Variants in MAX observed in about 807,000 individuals in gnomAD.
MAX encodes the protein protein max.
MAX carries 3 observed loss-of-function variants against 22.3 expected under a neutral mutation model. That is an observed-to-expected ratio of 0.13 (90% CI 0.06 to 0.35). MAX has a LOEUF of 0.35. Ranked by LOEUF, MAX falls within the 10% of genes least tolerant of loss-of-function variation. The pLI is 1.00. For missense variants in MAX, 119 were observed against 209.4 expected (o/e 0.57, Z 2.66); for synonymous variants, 72 against 77.7 (o/e 0.93, Z 0.39).
intron 3 of MAX, among the ~76,000 whole-genome samples, chr14:65,052,971 T>C (rs563389184): frequency 5.4e-4 from 83 of 152,312 alleles, no homozygotes; most frequent in African/African-American, 1.7e-3. Flanking sequence ...AGAGATGTGG[T>C]TGAGGATCAC....
Position 65,031,827 on chromosome 14 carries a change from A to G in MAX, c.172-25543T>C, listed in dbSNP as rs1241977301. 6.6e-6 allele frequency among the ~76,000 whole-genome samples: 1 copy of G among 152,126 alleles called. No homozygotes were observed. Among genetic ancestry groups the G allele is most frequent in the African/African-American group, 2.4e-5 (1 of 41,458 alleles). ...TCCCAGCTACTTGGGAGGCTGATAC[A>G]GGAGAATTGCTTGAACCCAGGAGGC... is the stretch of plus-strand genomic sequence containing the variant. On this transcript the variant is annotated intron_variant, in intron 3 of 3. Coordinates refer to the MAX transcript ENST00000341653. This position sits in a 1 kb window ranked among gnomAD's most constrained non-coding sequence, Gnocchi z 4.6.
At chr14:65,008,771 C>T (rs950206676) in intron 3 of MAX, among the ~76,000 whole-genome samples, 7 of 152,180 alleles carry the variant, frequency 4.6e-5, no homozygotes, top group African/African-American at 1.7e-4. Flanking sequence ...TGGGTGGAGG[C>T]ACATTGTGAA....
chr14:65,070,913 C>T (rs2062981479), downstream of MAX, among the ~76,000 whole-genome samples: 1 of 152,218 alleles, frequency 6.6e-6, no homozygotes, highest in African/African-American at 2.4e-5. The surrounding 1 kb of genome is among the most constrained non-coding windows in gnomAD (Gnocchi z 4.4). Context: ...GCAAAGTCGC[C>T]AGTATGTTAA....
intron 3 of MAX, among the ~76,000 whole-genome samples, chr14:65,034,846 G>A (rs979490508): frequency 6.6e-6 from 1 of 152,184 alleles, no homozygotes; most frequent in Non-Finnish European, 1.5e-5. Context: ...GTTGTGTTGT[G>A]TCCTAGACAT....
chr14:65,026,632 G>A (rs1259654594), intron 3 of MAX, among the ~76,000 whole-genome samples: 1 of 152,138 alleles, frequency 6.6e-6, no homozygotes, highest in East Asian at 1.9e-4. Flanking sequence ...GGCTGCGGCG[G>A]GTGGATCACT....
chr14:65,029,403 G>A lies in MAX; in HGVS notation c.172-23119C>T, dbSNP rs1404031757. Reference sequence around the variant, plus strand: ...GAGTTTGACATCTGGAGACTAGCTCGCTGCCCTTCTGGGATAGACAGCAGT... The same window carrying A: ...GAGTTTGACATCTGGAGACTAGCTCACTGCCCTTCTGGGATAGACAGCAGT... On this transcript the variant is annotated intron_variant, in intron 3 of 3. Transcript: ENST00000341653. This position sits in a 1 kb window ranked among gnomAD's most constrained non-coding sequence, Gnocchi z 4.7. Among the ~76,000 whole-genome samples the A allele has an allele frequency of 6.6e-6, 1 of 152,174 alleles. No individual in the cohort carries two copies. Among genetic ancestry groups the A allele is most frequent in the Non-Finnish European group, 1.5e-5 (1 of 68,036 alleles).
chr14:65,041,603 C>T (rs144458488), intron 3 of MAX, among the ~76,000 whole-genome samples: 35 of 152,316 alleles, frequency 2.3e-4, no homozygotes, highest in African/African-American at 8.2e-4. Flanking sequence ...ACATGCACCT[C>T]CTCTCCCTGA....
chr14:65,020,489 G>C (rs1595036846), intron 3 of MAX, among the ~76,000 whole-genome samples: 1 of 152,054 alleles, frequency 6.6e-6, no homozygotes, highest in African/African-American at 2.4e-5. Context: ...GCAGTGGCAC[G>C]ATCTTGGCTC....
chr14:65,033,322 A>G (rs2062122348), intron 3 of MAX, among the ~76,000 whole-genome samples: 1 of 152,214 alleles, frequency 6.6e-6, no homozygotes, highest in African/African-American at 2.4e-5. Context: ...TCTGAGAAGA[A>G]TCATGTGGTA....
At chr14:65,083,913 A>G (rs753002544) in intron 3 of MAX, 21 of 1,286,334 alleles carry the variant, frequency 1.6e-5, no homozygotes, top group Middle Eastern at 3.0e-4. Flanking sequence ...AACCAAAACG[A>G]AAGAATATGC....
rs556788600 is a variant in MAX at position 65,069,311 on chromosome 14, G to C, written c.171+24397C>G. Among the ~76,000 whole-genome samples the C allele has an allele frequency of 2.0e-4, 30 of 152,292 alleles. No individual in the cohort carries two copies. The highest frequency in any genetic ancestry group is 1.7e-3 in the Admixed American group (26 of 15,298). Reference sequence around the variant, plus strand: ...CCCAAGGCTGGGCTCTTGTGGGCAGGACAGAAGGAGAGCCCATCAAGAGCT... The same window carrying C: ...CCCAAGGCTGGGCTCTTGTGGGCAGCACAGAAGGAGAGCCCATCAAGAGCT... On this transcript the variant is annotated intron_variant, in intron 3 of 3. Transcript: ENST00000341653. This position sits in a 1 kb window ranked among gnomAD's most constrained non-coding sequence, Gnocchi z 4.6.
At chr14:65,042,391 C>T (rs2062373158) in intron 3 of MAX, among the ~76,000 whole-genome samples, 1 of 152,180 alleles carries the variant, frequency 6.6e-6, no homozygotes, top group South Asian at 2.1e-4. Context: ...GACAGATCAT[C>T]AGGCATTAGA....
Position 65,084,223 on chromosome 14 carries a change from A to G in MAX, c.172-6187T>C. The G allele has an allele frequency of 6.2e-7, 1 of 1,614,216 alleles. No individual in the cohort carries two copies. Among genetic ancestry groups the G allele is most frequent in the Non-Finnish European group, 8.5e-7 (1 of 1,180,038 alleles). ...TTTCTTGTGCACTTGGTAGCTTGAA[A>G]TGAAGGTGTGGCATTTCTGCATCAA... is the stretch of plus-strand genomic sequence containing the variant. On this transcript the variant is annotated intron_variant, in intron 3 of 4. Transcript: ENST00000358664. This position sits in a 1 kb window ranked among gnomAD's most constrained non-coding sequence, Gnocchi z 4.3.
At position 65,076,192 on chromosome 14, in the gene MAX, C is replaced by T. The variant is rs1158871796; in HGVS notation, c.*284G>A. On this transcript the variant is annotated 3_prime_UTR_variant, in exon 5 of 5. Coordinates refer to ENST00000358664, the MANE Select transcript of MAX (RefSeq NM_002382.5). This position sits in a 1 kb window ranked among gnomAD's most constrained non-coding sequence, Gnocchi z 6.6. ...AGAGGTCCGGCCGGCCGTCTGTCCTCCACAGAAAAAGCTGCCAAGTTGGGG... is the reference window on the plus strand; with the variant it reads ...AGAGGTCCGGCCGGCCGTCTGTCCTTCACAGAAAAAGCTGCCAAGTTGGGG... 103 of 1,410,842 alleles carry T rather than the reference C, an allele frequency of 7.3e-5. 3 individuals are homozygous for T. In the South Asian group the frequency reaches 1.5e-3, roughly 21 times the overall value. 87.4% of individuals were successfully genotyped at this position (1,410,842 alleles called of 1,614,324 possible). A position where few individuals can be genotyped will look rare whatever the true frequency, so the allele number is the denominator to read the frequency against.
chr14:65,074,029 C>T (rs1037360424), downstream of MAX, among the ~76,000 whole-genome samples: 1 of 152,194 alleles, frequency 6.6e-6, no homozygotes, highest in African/African-American at 2.4e-5. Flanking sequence ...GGCTTGACTG[C>T]CCCTTCCTGT....
chr14:65,101,302 T>G (rs747435410), intron 2 of MAX, among the ~76,000 whole-genome samples: 1 of 152,172 alleles, frequency 6.6e-6, no homozygotes, highest in Non-Finnish European at 1.5e-5. Context: ...TACAGAACAA[T>G]TCAATTCTTT....
rs2062028852 is a variant in MAX at position 65,028,809 on chromosome 14, A to G, written c.172-22525T>C. ...TGATTCTTCTTAAGGAAAATGTTAAAAGAGTTTTTTTCCCTCGTGTTCACT... is the reference window on the plus strand; with the variant it reads ...TGATTCTTCTTAAGGAAAATGTTAAGAGAGTTTTTTTCCCTCGTGTTCACT... On this transcript the variant is annotated intron_variant, in intron 3 of 3. Coordinates refer to the MAX transcript ENST00000341653. This position sits in a 1 kb window ranked among gnomAD's most constrained non-coding sequence, Gnocchi z 4.4. 6.6e-6 allele frequency among the ~76,000 whole-genome samples: 1 copy of G among 152,200 alleles called. No individual in the cohort carries two copies. Among genetic ancestry groups the G allele is most frequent in the Non-Finnish European group, 1.5e-5 (1 of 68,038 alleles).
At chr14:65,043,307 G>A (rs72728266) in intron 3 of MAX, among the ~76,000 whole-genome samples, 15,123 of 152,252 alleles carry the variant, frequency 0.099, 1,002 homozygotes, top group Admixed American at 0.17. Context: ...AGGAATGGTG[G>A]TATCGTGTGT....
intron 3 of MAX, among the ~76,000 whole-genome samples, chr14:65,020,840 T>C (rs2061873398): frequency 6.6e-6 from 1 of 151,574 alleles, no homozygotes; most frequent in Non-Finnish European, 1.5e-5. Flanking sequence ...CAAGTGATTC[T>C]CCTGCCTCAG....
Sources: allele counts gnomAD v4.1 joint callset (sites outside exome capture counted in the v4.1 genomes callset), GRCh38; gene constraint gnomAD v4.1.1; non-coding constraint Gnocchi (gnomAD v3.1); transcripts MANE v1.5; gene names NCBI Gene and HGNC (gene_info 2026-07-23, HGNC 2026-07-21).